DCLK2: variants seen among roughly 807,000 people sequenced by gnomAD.
DCLK2 encodes serine/threonine-protein kinase DCLK2.
DCLK2 carries 31 observed loss-of-function variants against 78.4 expected under a neutral mutation model. That is an observed-to-expected ratio of 0.40 (90% confidence interval 0.30 to 0.53). The LOEUF (loss-of-function observed/expected upper bound fraction) is 0.53. DCLK2 is among the 20% of genes least tolerant of loss of function. The pLI is 0.61. For missense variants in DCLK2, 872 were observed against 973.7 expected (o/e 0.90, Z 1.39); for synonymous variants, 407 against 374.9 (o/e 1.09, Z -0.99).
At chr4:150,223,606 T>C (rs1484045648) in intron 7 of DCLK2, among the ~76,000 whole-genome samples, 3 of 151,974 alleles carry the variant, frequency 2.0e-5, no homozygotes, top group Non-Finnish European at 4.4e-5. Context: ...AGCCCAGTGG[T>C]GTTGGCAGGT....
intron 3 of DCLK2, among the ~76,000 whole-genome samples, chr4:150,195,410 T>G (rs1352533744): frequency 1.0e-4 from 1 of 9,984 alleles, no homozygotes; most frequent in Non-Finnish European, 2.4e-4. Flanking sequence ...TTATATATTA[T>G]ATATATTATA....
intron 4 of DCLK2, among the ~76,000 whole-genome samples, chr4:150,200,274 A>G (rs1207352375): frequency 6.6e-6 from 1 of 152,234 alleles, no homozygotes; most frequent in Non-Finnish European, 1.5e-5. Flanking sequence ...AATTAAGTCC[A>G]CATTTGGATT....
chr4:150,114,821 C>A (rs888218925), intron 2 of DCLK2, among the ~76,000 whole-genome samples: 6 of 152,192 alleles, frequency 3.9e-5, no homozygotes, highest in Non-Finnish European at 7.4e-5. Context: ...TCTTAGAATT[C>A]ATTCCTTTGT....
At chr4:150,105,632 A>AT (rs1294087226) in intron 2 of DCLK2, among the ~76,000 whole-genome samples, 2 of 152,058 alleles carry the variant, frequency 1.3e-5, no homozygotes, top group Non-Finnish European at 2.9e-5. Context: ...TTTATCCTAA[A>AT]TGACCTGACA....
Position 150,078,862 on chromosome 4 carries a change from C to G in DCLK2, c.-166C>G. On this transcript the variant is annotated 5_prime_UTR_variant, in exon 1 of 16. Coordinates refer to ENST00000296550, the MANE Select transcript of DCLK2 (RefSeq NM_001040260.4). ...CTTTTAGCTGAGGGCGCGGGCGGGT[C>G]GGCTCCTCCGCGGCTCCTCGGCCCC... 5 of 834,908 alleles carry G rather than the reference C, an allele frequency of 6.0e-6. No homozygotes were observed. In the South Asian group the frequency reaches 1.2e-4, roughly 19 times the overall value. The allele number at this position is 834,908 out of a possible 1,614,324, so 51.7% of individuals were successfully genotyped here.
chr4:150,190,008 A>C (rs1374909586), intron 2 of DCLK2, among the ~76,000 whole-genome samples: 1 of 131,136 alleles, frequency 7.6e-6, no homozygotes, highest in Non-Finnish European at 1.6e-5. Context: ...ACTCAAACTT[A>C]TGGGCATCAT....
chr4:150,210,957 AAAAAAAG>A (rs1740258288), intron 5 of DCLK2, among the ~76,000 whole-genome samples: 1 of 151,564 alleles, frequency 6.6e-6, no homozygotes, highest in South Asian at 2.1e-4. Context: ...TCAAAAAAAA[AAAAAAAG>A]AAAGAAAGAA....
At chr4:150,155,253 G>A (rs931791281) in intron 2 of DCLK2, among the ~76,000 whole-genome samples, 3 of 152,076 alleles carry the variant, frequency 2.0e-5, no homozygotes, top group Admixed American at 2.0e-4. Flanking sequence ...ATACGTAACA[G>A]TAGCACATGA....
chr4:150,100,364 G>T (rs1396453495), intron 1 of DCLK2, among the ~76,000 whole-genome samples: 1 of 152,192 alleles, frequency 6.6e-6, no homozygotes, highest in Non-Finnish European at 1.5e-5. Flanking sequence ...AAAATGCAGA[G>T]AAATTTAGGA....
intron 2 of DCLK2, among the ~76,000 whole-genome samples, chr4:150,139,740 A>G (rs1733977308): frequency 6.6e-6 from 1 of 152,240 alleles, no homozygotes; most frequent in African/African-American, 2.4e-5. Flanking sequence ...TATTGCCAGG[A>G]AAAGCAGAAA....
At chr4:150,080,914 G>A (rs1729217215) in intron 1 of DCLK2, among the ~76,000 whole-genome samples, 1 of 152,180 alleles carries the variant, frequency 6.6e-6, no homozygotes, top group South Asian at 2.1e-4. Context: ...GGTTTTAAGG[G>A]CTTCTTGAGG....
At chr4:150,217,503 T>A (rs1740812425) in intron 5 of DCLK2, among the ~76,000 whole-genome samples, 1 of 152,094 alleles carries the variant, frequency 6.6e-6, no homozygotes, top group Non-Finnish European at 1.5e-5. Context: ...CTCTTCAGAG[T>A]CATTTGTAAC....
At position 150,142,634 on chromosome 4, in the gene DCLK2, AG is replaced by A. The variant is rs533326979; in HGVS notation, c.756+39824del. Among the ~76,000 whole-genome samples, 23 of 152,266 alleles carry A rather than the reference AG, an allele frequency of 1.5e-4. No homozygotes were observed. In the East Asian group the frequency reaches 4.4e-3, roughly 29 times the overall value. The stretch of plus-strand genomic sequence containing the variant: ...CTGTTCTGGAGTTAACAATGAGCTA[AG>A]GTTTGGAGGAAATAATATATTAAAT... On this transcript the variant is annotated intron_variant, in intron 2 of 15. Transcript: ENST00000296550.
At chr4:150,093,219 G>C (rs1730217846) in intron 1 of DCLK2, among the ~76,000 whole-genome samples, 2 of 152,074 alleles carry the variant, frequency 1.3e-5, no homozygotes, top group African/African-American at 2.4e-5. Context: ...GGAGGTGAAA[G>C]CTCTTACACT....
At chr4:150,176,948 G>T (rs72732403) in intron 2 of DCLK2, among the ~76,000 whole-genome samples, 1 of 152,024 alleles carries the variant, frequency 6.6e-6, no homozygotes, top group African/African-American at 2.4e-5. Context: ...TTGCAAAAAA[G>T]AAATAGATGT....
At chr4:150,136,979 C>CTTTTTTTTTTT (rs35729685) in intron 2 of DCLK2, among the ~76,000 whole-genome samples, 26 of 82,404 alleles carry the variant, frequency 3.2e-4, no homozygotes, top group South Asian at 6.4e-4. Flanking sequence ...TCTTCTTCTT[C>CTTTTTTTTTTT]TTTTTTTTTT....
intron 2 of DCLK2, chr4:150,175,759 T>C (rs1737043279): frequency 6.6e-6 from 1 of 152,224 alleles, no homozygotes; most frequent in South Asian, 2.1e-4. Flanking sequence ...GCACTTACTG[T>C]AGAATATGTC....
chr4:150,079,021 A>C lies in DCLK2; in HGVS notation c.-7A>C. On this transcript the variant is annotated 5_prime_UTR_variant, in exon 1 of 16. Coordinates refer to ENST00000296550, the MANE Select transcript of DCLK2 (RefSeq NM_001040260.4). ...GTCTTTTTGCGGACGCCCTCGGAGC[A>C]GCCGCGATGGCCAGCACCAGGAGTA... is the stretch of plus-strand genomic sequence containing the variant. 5 of 1,525,468 alleles carry C rather than the reference A, an allele frequency of 3.3e-6. No homozygotes were observed. The highest frequency in any genetic ancestry group is 3.5e-6 in the Non-Finnish European group (4 of 1,141,082). The allele number at this position is 1,525,468 out of a possible 1,614,324, so 94.5% of individuals were successfully genotyped here. A position where few individuals can be genotyped will look rare whatever the true frequency, so the allele number is the denominator to read the frequency against.
At chr4:150,173,221 GA>G (rs1736684762) in intron 2 of DCLK2, among the ~76,000 whole-genome samples, 1 of 152,114 alleles carries the variant, frequency 6.6e-6, no homozygotes, top group African/African-American at 2.4e-5. Context: ...GTGTGCAGCA[GA>G]CCTAGTGCCC....
Sources: gnomAD v4.1 joint callset for allele counts (sites outside exome capture counted in the v4.1 genomes callset) on GRCh38, gnomAD v4.1.1 for gene constraint, MANE v1.5 for transcripts, NCBI Gene and HGNC (gene_info 2026-07-23, HGNC 2026-07-21) for gene names.